GRIK1: variants seen among roughly 807,000 people sequenced by gnomAD.
The protein encoded by GRIK1 is glutamate receptor ionotropic, kainate 1.
A neutral mutation model predicts 105.7 loss-of-function variants in GRIK1; 69 were observed. The ratio of observed to expected loss-of-function variants is 0.65; its 90% confidence interval spans 0.54 to 0.80. The LOEUF is 0.80. GRIK1 is among the 30% of genes least tolerant of loss of function. The pLI, the probability that GRIK1 is intolerant of heterozygous loss-of-function variation, is 0.00. For synonymous variants in GRIK1, 438 were observed against 431.3 expected (o/e 1.02, Z -0.19); for missense variants, 1,109 against 1,167.3 (o/e 0.95, Z 0.73).
At chr21:29,924,391 T>G (rs1021000639) in intron 1 of GRIK1, among the ~76,000 whole-genome samples, 1 of 150,790 alleles carries the variant, frequency 6.6e-6, no homozygotes, top group African/African-American at 2.4e-5. Flanking sequence ...AGGGTTGTGA[T>G]GAAGTGATGA....
At chr21:29,576,652 A>G (rs1208336136) in intron 14 of GRIK1, among the ~76,000 whole-genome samples, 1 of 151,866 alleles carries the variant, frequency 6.6e-6, no homozygotes, top group Non-Finnish European at 1.5e-5. Context: ...GAGTGGTTAG[A>G]TTGTATTCAG....
intron 1 of GRIK1, among the ~76,000 whole-genome samples, chr21:29,763,408 G>A (rs944404698): frequency 4.6e-5 from 7 of 152,164 alleles, no homozygotes; most frequent in Non-Finnish European, 8.8e-5. Context: ...CATGAAAATG[G>A]ACTAATACAG....
chr21:29,932,075 T>C (rs2071585721), intron 1 of GRIK1, among the ~76,000 whole-genome samples: 1 of 152,198 alleles, frequency 6.6e-6, no homozygotes, highest in South Asian at 2.1e-4. Flanking sequence ...CATTAATAAG[T>C]AGAAATTTTC....
chr21:29,652,669 T>A (rs1259260237), intron 5 of GRIK1, among the ~76,000 whole-genome samples: 1 of 152,234 alleles, frequency 6.6e-6, no homozygotes, highest in Non-Finnish European at 1.5e-5. Context: ...AAGACTAGAT[T>A]TAAAAATACA....
chr21:29,570,981 C>A (rs917820577), intron 14 of GRIK1, among the ~76,000 whole-genome samples: 1 of 152,002 alleles, frequency 6.6e-6, no homozygotes, highest in Non-Finnish European at 1.5e-5. Context: ...AATGTTGCTC[C>A]ATATATGAAT....
intron 1 of GRIK1, among the ~76,000 whole-genome samples, chr21:29,917,223 G>A (rs567147395): frequency 6.6e-6 from 1 of 152,036 alleles, no homozygotes; most frequent in East Asian, 1.9e-4. Context: ...CAAAAGACAG[G>A]CACCGCAAAA....
intron 2 of GRIK1, among the ~76,000 whole-genome samples, chr21:29,692,105 C>T (rs363532): frequency 0.039 from 5,948 of 152,210 alleles, 216 homozygotes; most frequent in African/African-American, 0.094. Context: ...GTTAGCTCTG[C>T]GGTACTAATA....
At chr21:29,537,937 A>T in intron 16 of GRIK1, 53 bp from the exon 17 acceptor site, 1 of 846,156 alleles carries the variant, frequency 1.2e-6, no homozygotes, top group Non-Finnish European at 1.9e-6. Context: ...TTTTCTCCAA[A>T]AAACAGAGAT....
At chr21:29,922,719 T>C (rs1484865601) in intron 1 of GRIK1, among the ~76,000 whole-genome samples, 2 of 152,202 alleles carry the variant, frequency 1.3e-5, no homozygotes, top group Non-Finnish European at 2.9e-5. Context: ...TGACTAAAGT[T>C]CAAACTTACA....
At chr21:29,629,217 T>TGTGTGG (rs1555853099) in intron 7 of GRIK1, among the ~76,000 whole-genome samples, 8 of 148,836 alleles carry the variant, frequency 5.4e-5, no homozygotes, top group African/African-American at 1.8e-4. Context: ...TGTGTGTGTG[T>TGTGTGG]GTGTGTGTGT....
chr21:29,872,192 C>CT lies in GRIK1; in HGVS notation c.118+67190dup, dbSNP rs35165931. Among the ~76,000 whole-genome samples the CT allele has an allele frequency of 3.6e-3, 388 of 107,654 alleles. 6 individuals are homozygous for CT. The highest frequency in any genetic ancestry group is 0.017 in the Middle Eastern group (3 of 174). 70.6% of individuals were successfully genotyped at this position (107,654 alleles called of 152,430 possible). ...AATTAAAATATGCACGCTCTCACTT[C>CT]TTTTTTTTTTTTTTTTTTTGAGACG... On this transcript the variant is annotated intron_variant, in intron 1 of 17. Coordinates refer to ENST00000327783, the MANE Select transcript of GRIK1 (RefSeq NM_001330994.2).
intron 12 of GRIK1, among the ~76,000 whole-genome samples, chr21:29,584,655 T>A (rs867343711): frequency 6.6e-6 from 1 of 152,232 alleles, no homozygotes; most frequent in Non-Finnish European, 1.5e-5. Context: ...TGGGGCTTTA[T>A]TTTTCCCCTT....
intron 1 of GRIK1, among the ~76,000 whole-genome samples, chr21:29,709,211 T>C (rs1419023165): frequency 6.6e-6 from 1 of 152,076 alleles, no homozygotes; most frequent in Non-Finnish European, 1.5e-5. Context: ...TCACATTGTG[T>C]TAATACTGGT....
intron 1 of GRIK1, among the ~76,000 whole-genome samples, chr21:29,925,667 A>G (rs929670677): frequency 1.1e-4 from 16 of 152,214 alleles, no homozygotes; most frequent in African/African-American, 3.6e-4. Context: ...CAAACTTAGC[A>G]TACTCTCCAG....
intron 7 of GRIK1, among the ~76,000 whole-genome samples, chr21:29,599,717 A>G (rs73350404): frequency 0.012 from 1,888 of 152,186 alleles, 44 homozygotes; most frequent in African/African-American, 0.043. Flanking sequence ...CTCCCTCTGC[A>G]AGGTGGAGGT....
intron 1 of GRIK1, among the ~76,000 whole-genome samples, chr21:29,821,905 T>C (rs763412655): frequency 3.9e-5 from 6 of 152,038 alleles, no homozygotes; most frequent in Non-Finnish European, 8.8e-5. Context: ...TTGTAGGCTA[T>C]GCAATTCTTC....
At chr21:29,911,089 TACTA>T (rs1440805082) in intron 1 of GRIK1, among the ~76,000 whole-genome samples, 4 of 152,090 alleles carry the variant, frequency 2.6e-5, no homozygotes, top group South Asian at 2.1e-4. Flanking sequence ...GCTTGACATA[TACTA>T]ACTCAGTGAA....
intron 1 of GRIK1, among the ~76,000 whole-genome samples, chr21:29,924,866 T>C (rs1010400974): frequency 6.6e-6 from 1 of 152,356 alleles, no homozygotes; most frequent in Non-Finnish European, 1.5e-5. Context: ...GATCTGGCTC[T>C]AAGTAGAAAT....
chr21:29,587,990 T>TTTTTTTTTTTTG (rs1491321446), intron 11 of GRIK1, among the ~76,000 whole-genome samples: 2 of 131,284 alleles, frequency 1.5e-5, no homozygotes, highest in African/African-American at 6.3e-5. Flanking sequence ...TTTTTTTTTT[T>TTTTTTTTTTTTG]GTGAGGCGGA....
Sources: allele counts gnomAD v4.1 joint callset (sites outside exome capture counted in the v4.1 genomes callset), GRCh38; gene constraint gnomAD v4.1.1; transcripts MANE v1.5; gene names NCBI Gene and HGNC (gene_info 2026-07-23, HGNC 2026-07-21).